The following NPM1 variants were observed in gnomAD, a reference collection of about 807,000 sequenced individuals.
NPM1 encodes nucleophosmin 1.
In NPM1, 1 loss-of-function variant was observed where a neutral mutation model predicts 44.1. That is an observed-to-expected ratio of 0.02 (90% CI 0.01 to 0.11). NPM1 has a LOEUF of 0.11. Among genes scored for constraint, NPM1 ranks in the 10% least tolerant of loss-of-function variants. The pLI is 1.00. For synonymous variants in NPM1, 126 were observed against 111.8 expected, an observed-to-expected ratio of 1.13 and a Z score of -0.80; for missense variants, 197 against 347.8, an observed-to-expected ratio of 0.57 and a Z score of 3.45.
intron 9 of NPM1, 32 bp downstream of exon 9, chr5:171,405,435 TC>T (rs779338475): frequency 5.1e-6 from 5 of 983,964 alleles, no homozygotes; most frequent in Non-Finnish European, 7.9e-6. Flanking sequence ...AAACTTTGTC[TC>T]CCCCCTCAAA....
chr5:171,393,077 C>T lies in NPM1; in HGVS notation c.524+99C>T, dbSNP rs1266004318. The T allele has an allele frequency of 2.4e-5, 34 of 1,440,644 alleles. No homozygotes were observed. In the Admixed American group the frequency reaches 4.6e-4, roughly 20 times the overall value. 89.2% of individuals were successfully genotyped at this position (1,440,644 alleles called of 1,614,324 possible). A position where few individuals can be genotyped will look rare whatever the true frequency, so the allele number is the denominator to read the frequency against. On this transcript the variant is annotated intron_variant, in intron 6 of 10. Coordinates refer to ENST00000296930, the MANE Select transcript of NPM1 (RefSeq NM_002520.7). The stretch of plus-strand genomic sequence containing the variant: ...ATGAGGGTTTTATAAAAGTCATTTA[C>T]AAAAAGCCATCCTATGTAATAGTTT...
rs1035233998 is a variant in NPM1 at position 171,387,858 on chromosome 5, G to C, written c.-91G>C. 3.3e-6 allele frequency: 4 copies of C among 1,205,172 alleles called. No individual in the cohort carries two copies. The highest frequency in any genetic ancestry group is 1.8e-5 in the Admixed American group (1 of 55,874). The allele number at this position is 1,205,172 out of a possible 1,614,324, so 74.7% of individuals were successfully genotyped here. A position where few individuals can be genotyped will look rare whatever the true frequency, so the allele number is the denominator to read the frequency against. ...GCGGGGAGCCTGCGTCCTTTCCCTGGTGTGATTCCGTCCTGCGCGGTTGTT... is the reference window on the plus strand; with the variant it reads ...GCGGGGAGCCTGCGTCCTTTCCCTGCTGTGATTCCGTCCTGCGCGGTTGTT... On this transcript the variant is annotated 5_prime_UTR_variant, in exon 1 of 11. Transcript: ENST00000296930.
chr5:171,406,338 C>A (rs1259540004), intron 9 of NPM1: 5 of 1,476,578 alleles, frequency 3.4e-6, no homozygotes, highest in Non-Finnish European at 9.5e-7. Context: ...AAAATGACAT[C>A]TTTTAGATGC....
At chr5:171,408,401 C>T (rs1020309805) in intron 10 of NPM1, among the ~76,000 whole-genome samples, 2 of 152,102 alleles carry the variant, frequency 1.3e-5, no homozygotes, top group African/African-American at 4.8e-5. Flanking sequence ...TGTTAGGTAT[C>T]GTGTGGAGAA....
chr5:171,403,690 AC>A (rs1263710761), intron 8 of NPM1, among the ~76,000 whole-genome samples: 5 of 113,554 alleles, frequency 4.4e-5, no homozygotes, highest in African/African-American at 6.7e-5. Flanking sequence ...CGGGGGGCTG[AC>A]CCCCCCACCT....
intron 8 of NPM1, among the ~76,000 whole-genome samples, chr5:171,403,484 C>T (rs1402251303): frequency 1.6e-5 from 2 of 121,420 alleles, no homozygotes; most frequent in African/African-American, 6.1e-5. Flanking sequence ...CACAAAGCTG[C>T]CATCGTCATC....
At chr5:171,400,988 G>A in intron 8 of NPM1, 63 bp downstream of exon 8, 2 of 1,129,968 alleles carry the variant, frequency 1.8e-6, no homozygotes, top group South Asian at 1.2e-5. Flanking sequence ...TTCTACTGTG[G>A]AAGAATCTAG....
At chr5:171,407,023 G>T (rs1219048619) in intron 9 of NPM1, 1 of 152,924 alleles carries the variant, frequency 6.5e-6, no homozygotes, top group Non-Finnish European at 1.5e-5. Context: ...CAAAGTCACA[G>T]GTCTTGCCAA....
At chr5:171,404,853 A>C (rs1348072626) in intron 8 of NPM1, among the ~76,000 whole-genome samples, 3 of 152,002 alleles carry the variant, frequency 2.0e-5, no homozygotes. Flanking sequence ...ACCATTGAGC[A>C]CTGAGTGAAC....
intron 9 of NPM1, 53 bp downstream of exon 9, chr5:171,405,456 T>A (rs1218944040): frequency 6.4e-6 from 5 of 787,374 alleles, no homozygotes; most frequent in Non-Finnish European, 2.2e-6. Flanking sequence ...ATTGCACGTG[T>A]CTGGTTTGCA....
intron 4 of NPM1, 141 bp downstream of exon 4, chr5:171,391,940 C>G (rs1399732630): frequency 2.5e-6 from 1 of 396,096 alleles, no homozygotes; most frequent in Non-Finnish European, 4.5e-6. Context: ...TTGGAGAGGA[C>G]AAATAAATTT....
At chr5:171,400,323 A>ACTGAGGGAGATCATCTCATT in intron 7 of NPM1, 113 bp downstream of exon 7, 1 of 1,217,970 alleles carries the variant, frequency 8.2e-7, no homozygotes, top group Non-Finnish European at 1.2e-6. Flanking sequence ...ATCATCTCAT[A>ACTGAGGGAGATCATCTCATT]CTGAAAATTA....
At chr5:171,396,898 G>C (rs1465186574) in intron 6 of NPM1, among the ~76,000 whole-genome samples, 1 of 152,042 alleles carries the variant, frequency 6.6e-6, no homozygotes, top group Non-Finnish European at 1.5e-5. Flanking sequence ...GCTTGAACCC[G>C]GGAGGCGGAG....
In NPM1 at chr5:171,390,039, CTTCA is replaced by C. The variant is rs761453120; in HGVS notation, c.59-9_59-6del. ...TTCTCCTTGTTAGAGTTGCTTTTTT[CTTCA>C]TTTACAGGTTGTGAACTAAAGGCCG... On this transcript the variant is annotated splice_polypyrimidine_tract_variant and splice_region_variant and intron_variant, in intron 1 of 10. Transcript: ENST00000296930. 21 of 1,392,944 alleles carry C rather than the reference CTTCA, an allele frequency of 1.5e-5. No homozygotes were observed. Among genetic ancestry groups the C allele is most frequent in the Non-Finnish European group, 2.0e-5 (20 of 1,024,286 alleles). 86.3% of individuals were successfully genotyped at this position (1,392,944 alleles called of 1,614,324 possible). A position where few individuals can be genotyped will look rare whatever the true frequency, so the allele number is the denominator to read the frequency against.
Position 171,400,942 on chromosome 5 carries a change from A to C in NPM1, c.669+17A>C. ...AGATCAAAAGTAAGTGGCTACATTT[A>C]CACGTGGGTCTCATTGATCTAGTTG... On this transcript the variant is annotated intron_variant, in intron 8 of 10. Transcript: ENST00000296930. 6.6e-7 allele frequency: 1 copy of C among 1,526,292 alleles called. No individual in the cohort carries two copies. The highest frequency in any genetic ancestry group is 9.1e-7 in the Non-Finnish European group (1 of 1,100,216). The allele number at this position is 1,526,292 out of a possible 1,614,324, so 94.5% of individuals were successfully genotyped here.
rs147629377 is a variant in NPM1 at position 171,392,952 on chromosome 5, T to G, written c.498T>G (p.Asp166Glu). The part of the protein sequence containing the change: ...VKLAADEDDD[D>E]DDEEDDDEDD... ...TTGCTGCTGATGAAGATGATGACGA[T>G]GATGATGAAGAGGATGATGATGAAG... Residue 166 changes from aspartate (D) to glutamate (E), a missense_variant, in exon 6 of 11, where the codon GAT becomes GAG. This residue lies in a region of NPM1 where 91 missense variants were observed against 94.0 expected (regional missense o/e 0.97). Transcript: ENST00000296930. 7 of 1,608,252 alleles carry G rather than the reference T, an allele frequency of 4.4e-6. No individual in the cohort carries two copies. Among genetic ancestry groups the G allele is most frequent in the African/African-American group, 1.3e-5 (1 of 74,872 alleles).
chr5:171,405,634 G>A (rs1312763646), intron 9 of NPM1: 2 of 475,244 alleles, frequency 4.2e-6, no homozygotes, highest in South Asian at 2.3e-5. Flanking sequence ...TGCAAGGAAC[G>A]TAGTGCACTG....
intron 6 of NPM1, among the ~76,000 whole-genome samples, chr5:171,394,329 C>T (rs1009689560): frequency 6.6e-5 from 10 of 152,036 alleles, no homozygotes; most frequent in African/African-American, 2.4e-4. Context: ...TGAACCACTG[C>T]GCCCAGCCAA....
intron 6 of NPM1, among the ~76,000 whole-genome samples, chr5:171,393,679 A>G (rs879624257): frequency 6.6e-6 from 1 of 152,252 alleles, no homozygotes; most frequent in African/African-American, 2.4e-5. Context: ...GTCCATATGC[A>G]TTTATTGAAA....
Sources: gnomAD v4.1 joint callset for allele counts (sites outside exome capture counted in the v4.1 genomes callset) on GRCh38, gnomAD v4.1.1 for gene constraint, gnomAD v4.1.1 regional missense constraint, MANE v1.5 for transcripts, NCBI Gene and HGNC (gene_info 2026-07-23, HGNC 2026-07-21) for gene names.